Variants in DHX36 observed in about 807,000 individuals in gnomAD.
DHX36 encodes DEAH-box helicase 36.
Under a neutral mutation model 139.0 loss-of-function variants are expected in DHX36, and 50 were observed. That is an observed-to-expected ratio of 0.36 (90% CI 0.29 to 0.46). The LOEUF (loss-of-function observed/expected upper bound fraction) is 0.46. Ranked by LOEUF, DHX36 falls within the 20% of genes least tolerant of loss-of-function variation. The pLI is 1.00. For missense variants in DHX36, 1,024 were observed against 1,211.3 expected (o/e 0.85, Z 2.29); for synonymous variants, 425 against 401.9 (o/e 1.06, Z -0.69).
In DHX36 at chr3:154,272,798, G is replaced by C. The variant is rs1043780494; in HGVS notation, c.*3373C>G. On this transcript the variant is annotated 3_prime_UTR_variant, in exon 25 of 25. Coordinates refer to ENST00000496811, the MANE Select transcript of DHX36 (RefSeq NM_020865.3). ...TAAATAAATACAAACTCAGAGCTAA[G>C]AACAGAAGGAAATTTACCACTATTT... The C allele has an allele frequency of 6.6e-6, 1 of 151,920 alleles. No individual in the cohort carries two copies. Among genetic ancestry groups the C allele is most frequent in the Non-Finnish European group, 1.5e-5 (1 of 67,964 alleles). The allele number at this position is 151,920 out of a possible 1,614,324, so 9.4% of individuals were successfully genotyped here. A position where few individuals can be genotyped will look rare whatever the true frequency, so the allele number is the denominator to read the frequency against.
intron 17 of DHX36, among the ~76,000 whole-genome samples, chr3:154,285,507 AG>A (rs1251508061): frequency 6.6e-6 from 1 of 152,228 alleles, no homozygotes; most frequent in Non-Finnish European, 1.5e-5. Context: ...TGAAGATACA[AG>A]GAGTTAACAA....
At chr3:154,281,779 C>T (rs1400808829) in intron 20 of DHX36, among the ~76,000 whole-genome samples, 1 of 152,068 alleles carries the variant, frequency 6.6e-6, no homozygotes, top group Non-Finnish European at 1.5e-5. Flanking sequence ...GTTTTTACTG[C>T]CATTATTTTA....
At chr3:154,292,916 G>T (rs955531535) in intron 14 of DHX36, among the ~76,000 whole-genome samples, 2 of 152,000 alleles carry the variant, frequency 1.3e-5, no homozygotes, top group Admixed American at 1.3e-4. Context: ...ACAGTAGGCA[G>T]TGTCAGGCAC....
chr3:154,306,176 A>T, intron 6 of DHX36, 40 bp downstream of exon 6: 3 of 1,425,180 alleles, frequency 2.1e-6, no homozygotes, highest in Non-Finnish European at 3.0e-6. Flanking sequence ...TCAAAGTTTC[A>T]CTAAAATCTG....
chr3:154,311,683 T>TA lies in DHX36; in HGVS notation c.604-10dup, dbSNP rs1559958139. 12 of 1,594,048 alleles carry TA rather than the reference T, an allele frequency of 7.5e-6. No individual in the cohort carries two copies. Among genetic ancestry groups the TA allele is most frequent in the South Asian group, 4.6e-5 (4 of 87,068 alleles). On this transcript the variant is annotated splice_polypyrimidine_tract_variant and intron_variant, in intron 3 of 24. Coordinates refer to ENST00000496811, the MANE Select transcript of DHX36 (RefSeq NM_020865.3). ...AGCTTTTCTCTGAAATGCTGAAATT[T>TA]AAAAAAAGTTTTAAATTTTCACAGA...
chr3:154,285,010 TA>T (rs1253934460), intron 17 of DHX36, 23 bp from the exon 18 acceptor site: 3 of 1,612,762 alleles, frequency 1.9e-6, no homozygotes, highest in Non-Finnish European at 2.5e-6. Context: ...AGTGTGTGTT[TA>T]AAATAGATCC....
chr3:154,305,017 T>C (rs1712446192), intron 7 of DHX36, 45 bp from the exon 8 acceptor site: 1 of 1,596,484 alleles, frequency 6.3e-7, no homozygotes, highest in African/African-American at 1.4e-5. Flanking sequence ...CCATTTTTCT[T>C]TAACAACTAG....
chr3:154,285,089 T>C, intron 17 of DHX36, 102 bp from the exon 18 acceptor site: 1 of 1,219,394 alleles, frequency 8.2e-7, no homozygotes, highest in Non-Finnish European at 1.1e-6. Flanking sequence ...TACTCTCTCT[T>C]CTAAGTCCAA....
At chr3:154,310,597 A>G (rs1576878112) in intron 4 of DHX36, among the ~76,000 whole-genome samples, 1 of 150,524 alleles carries the variant, frequency 6.6e-6, no homozygotes, top group Non-Finnish European at 1.5e-5. Context: ...CCTGGCCAAC[A>G]TGGTGAAACC....
chr3:154,294,574 T>A (rs1010424513), intron 13 of DHX36, among the ~76,000 whole-genome samples: 8 of 152,190 alleles, frequency 5.3e-5, no homozygotes, highest in African/African-American at 1.9e-4. Flanking sequence ...GTTTTCTTTC[T>A]TGCCCCCTCT....
At chr3:154,287,204 T>G (rs1452321549) in intron 17 of DHX36, among the ~76,000 whole-genome samples, 3 of 152,182 alleles carry the variant, frequency 2.0e-5, no homozygotes, top group Non-Finnish European at 4.4e-5. Context: ...TTATAAAAAC[T>G]TTTATTTCTA....
chr3:154,294,849 TTCATAATA>T (rs1711977546), intron 13 of DHX36, among the ~76,000 whole-genome samples: 1 of 152,216 alleles, frequency 6.6e-6, no homozygotes, highest in Non-Finnish European at 1.5e-5. Context: ...GAGCCAAACA[TTCATAATA>T]CATTATTAAA....
At position 154,311,250 on chromosome 3, in the gene DHX36, A is replaced by T. The variant is rs1046959926; in HGVS notation, c.642+386T>A. Among the ~76,000 whole-genome samples the T allele has an allele frequency of 1.3e-5, 2 of 152,152 alleles. 1 individual carries two copies. Among genetic ancestry groups the T allele is most frequent in the Admixed American group, 1.3e-4 (2 of 15,270 alleles). On this transcript the variant is annotated intron_variant, in intron 4 of 24. Coordinates refer to ENST00000496811, the MANE Select transcript of DHX36 (RefSeq NM_020865.3). ...TAATCATATGTTAAGATATAGTGTA[A>T]TAAATTAAAATTAACTGTATTTTTA...
At position 154,288,285 on chromosome 3, in the gene DHX36, G is replaced by C. The variant is rs531086011; in HGVS notation, c.2031+581C>G. Among the ~76,000 whole-genome samples, 12 of 151,652 alleles carry C rather than the reference G, an allele frequency of 7.9e-5. No individual in the cohort carries two copies. In the East Asian group the frequency reaches 1.7e-3, roughly 22 times the overall value. On this transcript the variant is annotated intron_variant, in intron 17 of 24. Coordinates refer to ENST00000496811, the MANE Select transcript of DHX36 (RefSeq NM_020865.3). ...AGAACAAAAAAACCACACACATTCT[G>C]TATGGGTTCATGTAAAGTTCACAAA...
chr3:154,288,633 A>G (rs1203945927), intron 17 of DHX36, among the ~76,000 whole-genome samples: 1 of 152,158 alleles, frequency 6.6e-6, no homozygotes, highest in Non-Finnish European at 1.5e-5. Flanking sequence ...ATAAAAAAAA[A>G]TGTGCAAAAA....
intron 12 of DHX36, among the ~76,000 whole-genome samples, chr3:154,296,198 G>A (rs1712039109): frequency 6.6e-6 from 1 of 152,168 alleles, no homozygotes; most frequent in South Asian, 2.1e-4. Flanking sequence ...TTCCAGGCCA[G>A]GCGCGGTGGC....
chr3:154,272,806 G>A lies in DHX36; in HGVS notation c.*3365C>T, dbSNP rs930078862. On this transcript the variant is annotated 3_prime_UTR_variant, in exon 25 of 25. Transcript: ENST00000496811. The stretch of plus-strand genomic sequence containing the variant: ...TACAAACTCAGAGCTAAGAACAGAA[G>A]GAAATTTACCACTATTTATTTTGGG... The A allele has an allele frequency of 1.4e-4, 21 of 151,904 alleles. No individual in the cohort carries two copies. Among genetic ancestry groups the A allele is most frequent in the African/African-American group, 5.1e-4 (21 of 41,380 alleles). The allele number at this position is 151,904 out of a possible 1,614,324, so 9.4% of individuals were successfully genotyped here. A position where few individuals can be genotyped will look rare whatever the true frequency, so the allele number is the denominator to read the frequency against.
rs1712931085 is a variant in DHX36, at chr3:154,315,276, C to T, written c.373G>A (p.Gly125Ser). Reference protein sequence around the residue: ...SWFAPEDHGYGTEVSTKNTPC... With the variant: ...SWFAPEDHGYSTEVSTKNTPC... ...GTGTTCTTAGTAGAAACTTCAGTAC[C>T]GTATCTGTTTTGACAAAATAAGAAA... is the stretch of plus-strand genomic sequence containing the variant. Residue 125 changes from glycine to serine, a missense_variant, in exon 3 of 25, where the codon GGT becomes AGT. Physicochemically the swap from Gly to Ser is moderately conservative, Grantham distance 56. This residue lies in a region of DHX36 where 293 missense variants were observed against 274.4 expected (regional missense o/e 1.07). Transcript: ENST00000496811. 3.7e-6 allele frequency: 6 copies of T among 1,605,870 alleles called. No homozygotes were observed. Among genetic ancestry groups the T allele is most frequent in the Non-Finnish European group, 2.5e-6 (3 of 1,176,844 alleles).
At chr3:154,288,795 CATT>C (rs1711661890) in intron 17 of DHX36, 68 bp downstream of exon 17, 3 of 867,576 alleles carry the variant, frequency 3.5e-6, no homozygotes, top group Non-Finnish European at 5.0e-6. Flanking sequence ...TGAGAGTAAA[CATT>C]ATAATTAACT....
Sources: allele counts gnomAD v4.1 joint callset (sites outside exome capture counted in the v4.1 genomes callset), GRCh38; gene constraint gnomAD v4.1.1; regional missense constraint gnomAD v4.1.1; transcripts MANE v1.5; gene names NCBI Gene and HGNC (gene_info 2026-07-23, HGNC 2026-07-21).